CAST: variants seen among roughly 807,000 people sequenced by gnomAD.
CAST encodes MIR583 host.
CAST carries 76 observed loss-of-function variants against 119.6 expected under a neutral mutation model. The ratio of observed to expected loss-of-function variants is 0.64; its 90% CI spans 0.53 to 0.77. The LOEUF (loss-of-function observed/expected upper bound fraction) is 0.77. CAST is among the 30% of genes least tolerant of loss of function. The probability of loss-of-function intolerance (pLI) is 0.00; values close to 1 mark genes in which losing one functional copy is unlikely to be tolerated. For synonymous variants in CAST, 319 were observed against 331.6 expected, an observed-to-expected ratio of 0.96 and a Z score of 0.41; for missense variants, 953 against 946.5, an observed-to-expected ratio of 1.01 and a Z score of -0.09.
At chr5:96,211,732 G>A in the CAST span, among the ~76,000 whole-genome samples, 1 of 151,898 alleles carries the variant, frequency 6.6e-6, no homozygotes, top group African/African-American at 2.4e-5. Context: ...TGTAAACATT[G>A]GGAATAATTC....
the CAST span, among the ~76,000 whole-genome samples, chr5:96,032,815 G>A: frequency 6.6e-6 from 1 of 151,998 alleles, no homozygotes; most frequent in East Asian, 1.9e-4. Context: ...AGGACTAGAG[G>A]TCCTAGCCAG....
chr5:96,690,911 A>G (rs371187698), intron 2 of CAST, among the ~76,000 whole-genome samples: 2 of 152,252 alleles, frequency 1.3e-5, no homozygotes, highest in Non-Finnish European at 2.9e-5. Context: ...ATATGTCAAA[A>G]CTTACATATT....
the CAST span, among the ~76,000 whole-genome samples, chr5:96,030,669 C>T: frequency 6.6e-6 from 1 of 152,168 alleles, no homozygotes; most frequent in African/African-American, 2.4e-5. Context: ...TACTCTTCAT[C>T]ACCTCTTCTC....
intron 1 of CAST, among the ~76,000 whole-genome samples, chr5:96,614,100 C>T (rs528472319): frequency 1.3e-5 from 2 of 152,256 alleles, no homozygotes; most frequent in East Asian, 3.9e-4. Flanking sequence ...CAAATGCTGC[C>T]GGTCCAAGGA....
intron 1 of CAST, among the ~76,000 whole-genome samples, chr5:96,576,494 A>G (rs2150188250): frequency 6.6e-6 from 1 of 151,934 alleles, no homozygotes; most frequent in African/African-American, 2.4e-5. Context: ...ACAAGCACAC[A>G]TCACCATGCC....
At chr5:96,064,424 G>A in the CAST span, among the ~76,000 whole-genome samples, 1 of 151,988 alleles carries the variant, frequency 6.6e-6, no homozygotes, top group Non-Finnish European at 1.5e-5. Context: ...TACAAATAAA[G>A]TTGGCATTAG....
At chr5:96,729,453 T>C (rs933419641) in intron 7 of CAST, 159 bp from the exon 8 acceptor site, 2 of 618,516 alleles carry the variant, frequency 3.2e-6, no homozygotes, top group Non-Finnish European at 5.9e-6. Flanking sequence ...CACATGTACA[T>C]CACACTAATT....
chr5:96,409,689 G>A, the CAST span, among the ~76,000 whole-genome samples: 6 of 152,318 alleles, frequency 3.9e-5, no homozygotes, highest in South Asian at 1.2e-3. Context: ...AACAGCCAGG[G>A]GCTCTGAAGA....
the CAST span, among the ~76,000 whole-genome samples, chr5:96,319,193 C>G: frequency 7.2e-5 from 11 of 152,076 alleles, no homozygotes; most frequent in Non-Finnish European, 1.0e-4. Context: ...CTCATGTGAA[C>G]TAACAGAGTG....
chr5:96,754,937 C>T, intron 22 of CAST, 196 bp downstream of exon 22: 1 of 396,044 alleles, frequency 2.5e-6, no homozygotes, highest in Non-Finnish European at 4.6e-6. Flanking sequence ...TAGACTTGAT[C>T]CTCAAGTGAA....
intron 1 of CAST, among the ~76,000 whole-genome samples, chr5:96,590,351 T>C (rs1238760082): frequency 1.3e-5 from 2 of 152,222 alleles, no homozygotes; most frequent in Admixed American, 6.5e-5. Flanking sequence ...ATATTCTTTA[T>C]TACAGAGTTT....
At chr5:96,028,412 T>C in the CAST span, among the ~76,000 whole-genome samples, 8 of 152,032 alleles carry the variant, frequency 5.3e-5, no homozygotes, top group African/African-American at 7.2e-5. Flanking sequence ...AAAAAAAGAA[T>C]ATTATATATT....
At chr5:96,075,879 T>G in the CAST span, among the ~76,000 whole-genome samples, 2 of 152,190 alleles carry the variant, frequency 1.3e-5, no homozygotes, top group Non-Finnish European at 2.9e-5. Flanking sequence ...ATTTTTTCCC[T>G]TGGGAGTTTG....
intron 3 of CAST, among the ~76,000 whole-genome samples, chr5:96,701,074 A>G (rs1420688032): frequency 1.3e-5 from 2 of 152,102 alleles, no homozygotes; most frequent in East Asian, 1.9e-4. Flanking sequence ...ATTACAGGCA[A>G]GCACCACCGC....
At chr5:96,276,241 C>T in the CAST span, among the ~76,000 whole-genome samples, 1 of 152,116 alleles carries the variant, frequency 6.6e-6, no homozygotes, top group African/African-American at 2.4e-5. Context: ...AATAATTTTG[C>T]AGAGTCAAAA....
At chr5:96,267,486 C>T in the CAST span, among the ~76,000 whole-genome samples, 9 of 152,146 alleles carry the variant, frequency 5.9e-5, no homozygotes, top group African/African-American at 1.7e-4. Flanking sequence ...ACCTTCTCAA[C>T]GGAAACTATA....
At chr5:96,270,382 T>C in the CAST span, among the ~76,000 whole-genome samples, 1 of 151,996 alleles carries the variant, frequency 6.6e-6, no homozygotes, top group East Asian at 1.9e-4. Flanking sequence ...ATACTGGAAG[T>C]CCTGGCCACA....
At chr5:96,500,448 T>C in the CAST span, among the ~76,000 whole-genome samples, 1 of 152,250 alleles carries the variant, frequency 6.6e-6, no homozygotes, top group African/African-American at 2.4e-5. Context: ...GAATGTTGTC[T>C]GTAATTGATG....
chr5:96,711,208 A>G (rs72772092), intron 3 of CAST, among the ~76,000 whole-genome samples: 17,690 of 152,168 alleles, frequency 0.12, 1,147 homozygotes, highest in Middle Eastern at 0.17. Flanking sequence ...AGTAAACCAT[A>G]TTTTCTCAAT....
Sources: gnomAD v4.1 joint callset for allele counts (sites outside exome capture counted in the v4.1 genomes callset) on GRCh38, gnomAD v4.1.1 for gene constraint, MANE v1.5 for transcripts, NCBI Gene and HGNC (gene_info 2026-07-23, HGNC 2026-07-21) for gene names.